EFCAB11: variants seen among roughly 807,000 people sequenced by gnomAD.
EFCAB11 encodes EF-hand calcium binding domain 11.
A neutral mutation model predicts 23.0 loss-of-function variants in EFCAB11; 14 were observed. The ratio of observed to expected loss-of-function variants is 0.61; its 90% CI spans 0.40 to 0.95. The LOEUF (loss-of-function observed/expected upper bound fraction) is 0.95. Among genes scored for constraint, EFCAB11 ranks in the 40% least tolerant of loss-of-function variants. The pLI, the probability that EFCAB11 is intolerant of heterozygous loss-of-function variation, is 0.00. For missense variants in EFCAB11, 198 were observed against 195.8 expected, an observed-to-expected ratio of 1.01 and a Z score of -0.07; for synonymous variants, 65 against 66.6, an observed-to-expected ratio of 0.98 and a Z score of 0.11.
intron 5 of EFCAB11, among the ~76,000 whole-genome samples, chr14:89,889,135 C>G (rs904833319): frequency 5.9e-5 from 9 of 152,122 alleles, no homozygotes; most frequent in African/African-American, 2.2e-4. Flanking sequence ...AATTAAGAGC[C>G]ATGAAACAAC....
At chr14:89,861,977 A>G (rs1343438265) in intron 5 of EFCAB11, among the ~76,000 whole-genome samples, 1 of 152,222 alleles carries the variant, frequency 6.6e-6, no homozygotes, top group Non-Finnish European at 1.5e-5. Flanking sequence ...TCTTTGTCCA[A>G]AATTAAACAT....
At chr14:89,935,283 C>T (rs1455912266) in intron 3 of EFCAB11, among the ~76,000 whole-genome samples, 1 of 152,068 alleles carries the variant, frequency 6.6e-6, no homozygotes, top group African/African-American at 2.4e-5. Context: ...TAGCATGATG[C>T]CTAGCAGACA....
chr14:89,808,642 A>G (rs1886052587), intron 5 of EFCAB11, among the ~76,000 whole-genome samples: 1 of 152,228 alleles, frequency 6.6e-6, no homozygotes, highest in Admixed American at 6.5e-5. Flanking sequence ...TGCTCCTAGC[A>G]TTTAAAACCT....
chr14:89,888,406 G>A lies in EFCAB11; in HGVS notation c.410+43135C>T, dbSNP rs142566580. 5.4e-3 allele frequency among the ~76,000 whole-genome samples: 823 copies of A among 152,342 alleles called. 5 individuals are homozygous for A. The highest frequency in any genetic ancestry group is 0.01 in the Middle Eastern group (3 of 294). On this transcript the variant is annotated intron_variant, in intron 5 of 5. Coordinates refer to ENST00000316738, the MANE Select transcript of EFCAB11 (RefSeq NM_145231.4). The stretch of plus-strand genomic sequence containing the variant: ...GTTCTGCAGGCTTTACAGGAAGCAT[G>A]GCGTTGGCATCTGCTTGGCTTCTGG...
intron 3 of EFCAB11, among the ~76,000 whole-genome samples, chr14:89,936,262 G>A (rs575893519): frequency 4.6e-5 from 7 of 152,206 alleles, no homozygotes; most frequent in South Asian, 4.1e-4. Flanking sequence ...CTGGTTCATC[G>A]TGTAATTCAC....
At chr14:89,891,114 A>G (rs1166738993) in intron 5 of EFCAB11, among the ~76,000 whole-genome samples, 1 of 152,208 alleles carries the variant, frequency 6.6e-6, no homozygotes, top group Non-Finnish European at 1.5e-5. Context: ...TGACTGTGCT[A>G]CAAGGAGCCT....
At chr14:89,905,728 T>C (rs751010983) in intron 5 of EFCAB11, among the ~76,000 whole-genome samples, 1 of 152,158 alleles carries the variant, frequency 6.6e-6, no homozygotes, top group Non-Finnish European at 1.5e-5. Context: ...GTAGCCAGCC[T>C]TGAGGACCGA....
At chr14:89,868,273 G>A (rs1888158858) in intron 5 of EFCAB11, among the ~76,000 whole-genome samples, 1 of 152,190 alleles carries the variant, frequency 6.6e-6, no homozygotes, top group African/African-American at 2.4e-5. Flanking sequence ...GTAGGACTAA[G>A]CTAAAATAAA....
chr14:89,850,942 T>G lies in EFCAB11; in HGVS notation c.411-53618A>C, dbSNP rs150655344. Among the ~76,000 whole-genome samples, 24 of 152,310 alleles carry G rather than the reference T, an allele frequency of 1.6e-4. No homozygotes were observed. In the East Asian group the frequency reaches 4.4e-3, roughly 28 times the overall value. On this transcript the variant is annotated intron_variant, in intron 5 of 5. Coordinates refer to ENST00000316738, the MANE Select transcript of EFCAB11 (RefSeq NM_145231.4). ...CTAGGAAGTTAAACACTCAGTATCT[T>G]GCCTAGGACCACACATCAATTTAGT... is the stretch of plus-strand genomic sequence containing the variant.
intron 5 of EFCAB11, among the ~76,000 whole-genome samples, chr14:89,922,799 A>G (rs778585684): frequency 6.6e-6 from 1 of 152,198 alleles, no homozygotes; most frequent in Non-Finnish European, 1.5e-5. Flanking sequence ...ACAAATAACT[A>G]TGAAAAAGCA....
intron 5 of EFCAB11, among the ~76,000 whole-genome samples, chr14:89,914,025 T>C (rs1272615647): frequency 2.6e-5 from 4 of 152,194 alleles, no homozygotes; most frequent in Admixed American, 1.3e-4. Context: ...GAATGAACTG[T>C]TGGGGACACT....
At position 89,796,693 on chromosome 14, in the gene EFCAB11, G is replaced by A. The variant is rs1019738114; in HGVS notation, c.*550C>T. ...TCTGTATGTGTAGGTGCTATTATTTGTTCAACCAATGTTGAGCAAATGAAG... is the reference window on the plus strand; with the variant it reads ...TCTGTATGTGTAGGTGCTATTATTTATTCAACCAATGTTGAGCAAATGAAG... On this transcript the variant is annotated 3_prime_UTR_variant, in exon 6 of 6. Transcript: ENST00000316738. 6.6e-6 allele frequency: 1 copy of A among 152,542 alleles called. No individual in the cohort carries two copies. Among genetic ancestry groups the A allele is most frequent in the African/African-American group, 2.4e-5 (1 of 41,418 alleles). The allele number at this position is 152,542 out of a possible 1,614,324, so 9.4% of individuals were successfully genotyped here.
At chr14:89,857,832 C>T (rs1003572586) in intron 5 of EFCAB11, among the ~76,000 whole-genome samples, 3 of 152,146 alleles carry the variant, frequency 2.0e-5, no homozygotes, top group Non-Finnish European at 4.4e-5. Flanking sequence ...TATTCTAATA[C>T]TTCATGATTT....
intron 3 of EFCAB11, among the ~76,000 whole-genome samples, chr14:89,936,905 T>G (rs558753520): frequency 6.6e-6 from 1 of 152,206 alleles, no homozygotes; most frequent in Non-Finnish European, 1.5e-5. Flanking sequence ...TCACAAAGGC[T>G]TTCAGTAATT....
At chr14:89,807,532 T>C (rs770775047) in intron 5 of EFCAB11, among the ~76,000 whole-genome samples, 3 of 152,242 alleles carry the variant, frequency 2.0e-5, no homozygotes, top group Non-Finnish European at 2.9e-5. Flanking sequence ...ATTTTGCTAA[T>C]GCAACAAATA....
intron 5 of EFCAB11, among the ~76,000 whole-genome samples, chr14:89,829,057 TGAAG>T (rs1157467830): frequency 6.6e-6 from 1 of 152,250 alleles, no homozygotes; most frequent in Non-Finnish European, 1.5e-5. Context: ...GATGGTGATA[TGAAG>T]GAAGAGTTCT....
chr14:89,872,649 G>T (rs1364640279), intron 5 of EFCAB11, among the ~76,000 whole-genome samples: 2 of 152,148 alleles, frequency 1.3e-5, no homozygotes, highest in East Asian at 3.9e-4. Context: ...ATATGCTGAA[G>T]TCCTAACCTC....
At chr14:89,941,964 G>A (rs1890810614) in intron 3 of EFCAB11, among the ~76,000 whole-genome samples, 1 of 152,138 alleles carries the variant, frequency 6.6e-6, no homozygotes, top group East Asian at 1.9e-4. Flanking sequence ...GGTGGGAGGT[G>A]ACTGAATCAT....
chr14:89,893,309 G>T lies in EFCAB11; in HGVS notation c.410+38232C>A, dbSNP rs369772551. On this transcript the variant is annotated intron_variant, in intron 5 of 5. Transcript: ENST00000316738. ...ATTAATATGTGATGTCAAACCCAGG[G>T]TTGCTGGGTTTGCCCCCACCCTAGG... 4.8e-4 allele frequency among the ~76,000 whole-genome samples: 73 copies of T among 152,246 alleles called. No homozygotes were observed. The South Asian group carries it at 0.014, about 29-fold the overall frequency.
Sources: gnomAD v4.1 joint callset for allele counts (sites outside exome capture counted in the v4.1 genomes callset) on GRCh38, gnomAD v4.1.1 for gene constraint, MANE v1.5 for transcripts, NCBI Gene and HGNC (gene_info 2026-07-23, HGNC 2026-07-21) for gene names.